Variants in BMPR1B observed in about 807,000 individuals in gnomAD.
The protein encoded by BMPR1B is bone morphogenetic protein receptor type-1B.
In BMPR1B, 12 loss-of-function variants were observed where a neutral mutation model predicts 59.1. The observed-to-expected ratio is 0.20, with a 90% CI of 0.13 to 0.33. The LOEUF (loss-of-function observed/expected upper bound fraction) is 0.33. Ranked by LOEUF, BMPR1B falls within the 10% of genes least tolerant of loss-of-function variation. BMPR1B has a pLI of 1.00. For missense variants in BMPR1B, 550 were observed against 610.9 expected, an observed-to-expected ratio of 0.90 and a Z score of 1.05; for synonymous variants, 237 against 207.3, an observed-to-expected ratio of 1.14 and a Z score of -1.23.
intron 2 of BMPR1B, among the ~76,000 whole-genome samples, chr4:94,945,298 A>G (rs967078723): frequency 7.9e-5 from 12 of 152,296 alleles, no homozygotes; most frequent in Non-Finnish European, 1.3e-4. Context: ...AAAAACAAGA[A>G]CTATTGGTCC....
At chr4:94,823,748 G>GT (rs34501634) in intron 1 of BMPR1B, among the ~76,000 whole-genome samples, 7,408 of 149,300 alleles carry the variant, frequency 0.05, 355 homozygotes, top group African/African-American at 0.12. Flanking sequence ...TATCCTTTTG[G>GT]TTTTTTTTTT....
intron 1 of BMPR1B, among the ~76,000 whole-genome samples, chr4:94,770,814 A>G (rs1419872916): frequency 6.7e-6 from 1 of 150,040 alleles, no homozygotes; most frequent in Non-Finnish European, 1.5e-5. Flanking sequence ...AAAAAAATCC[A>G]GTGGATTATA....
chr4:94,977,972 G>T (rs1023801), intron 2 of BMPR1B, among the ~76,000 whole-genome samples: 145,544 of 152,300 alleles, frequency 0.96, 69,573 homozygotes, highest in Middle Eastern at 0.99. Context: ...GCAATGGTAT[G>T]GCTATTTTTT....
chr4:94,970,492 T>C (rs1401282943), intron 2 of BMPR1B, among the ~76,000 whole-genome samples: 1 of 152,036 alleles, frequency 6.6e-6, no homozygotes, highest in East Asian at 1.9e-4. Flanking sequence ...TTTTGTATTT[T>C]TAGTAGAGAC....
intron 2 of BMPR1B, among the ~76,000 whole-genome samples, chr4:94,931,630 A>C (rs906492861): frequency 2.6e-5 from 4 of 151,944 alleles, no homozygotes; most frequent in Non-Finnish European, 2.9e-5. Flanking sequence ...TTCCTTTTTT[A>C]GGATATCATA....
intron 2 of BMPR1B, among the ~76,000 whole-genome samples, chr4:94,956,344 T>C (rs1261163455): frequency 6.6e-6 from 1 of 152,140 alleles, no homozygotes; most frequent in Non-Finnish European, 1.5e-5. Context: ...CACATGTTTC[T>C]TTTTAAATAA....
intron 5 of BMPR1B, 87 bp from the exon 6 acceptor site, chr4:95,115,598 T>TA (rs1330384781): frequency 8.9e-7 from 1 of 1,122,128 alleles, no homozygotes; most frequent in Non-Finnish European, 1.4e-6. Context: ...ATTAGTTCTC[T>TA]AAATAGTGAC....
chr4:95,062,187 G>C (rs878965766), intron 3 of BMPR1B, among the ~76,000 whole-genome samples: 1 of 151,768 alleles, frequency 6.6e-6, no homozygotes, highest in South Asian at 2.1e-4. Context: ...TATACCACAG[G>C]AGCATTTTAT....
intron 1 of BMPR1B, among the ~76,000 whole-genome samples, chr4:94,765,545 A>G (rs764852966): frequency 3.9e-4 from 60 of 152,214 alleles, no homozygotes; most frequent in Non-Finnish European, 3.4e-4. Flanking sequence ...GCACTTGAGA[A>G]TATATCTGTT....
chr4:94,908,576 G>A (rs1045755699), intron 2 of BMPR1B, among the ~76,000 whole-genome samples: 1 of 150,866 alleles, frequency 6.6e-6, no homozygotes, highest in Admixed American at 6.6e-5. Flanking sequence ...CTTTTTTAAG[G>A]GTCTCTGTAC....
chr4:95,014,636 A>T (rs1723456819), intron 3 of BMPR1B, among the ~76,000 whole-genome samples: 1 of 152,296 alleles, frequency 6.6e-6, no homozygotes, highest in South Asian at 2.1e-4. Flanking sequence ...GAGACCCTTT[A>T]TCTGACTTTA....
At chr4:95,082,500 T>C (rs550058445) in intron 3 of BMPR1B, among the ~76,000 whole-genome samples, 1 of 152,172 alleles carries the variant, frequency 6.6e-6, no homozygotes, top group South Asian at 2.1e-4. Context: ...TTTTGAGGAC[T>C]ACATTAAATA....
At chr4:94,882,434 T>C (rs561831722) in intron 2 of BMPR1B, among the ~76,000 whole-genome samples, 1 of 152,348 alleles carries the variant, frequency 6.6e-6, no homozygotes, top group East Asian at 1.9e-4. Context: ...CATAAATATT[T>C]AGCTGAAAAT....
intron 3 of BMPR1B, among the ~76,000 whole-genome samples, chr4:95,038,977 A>G (rs1224900665): frequency 6.6e-6 from 1 of 152,134 alleles, no homozygotes; most frequent in Non-Finnish European, 1.5e-5. Flanking sequence ...TAAATTTTTC[A>G]CTTTTCAGCT....
At chr4:94,994,543 C>T (rs1004522966) in intron 2 of BMPR1B, among the ~76,000 whole-genome samples, 8 of 152,182 alleles carry the variant, frequency 5.3e-5, no homozygotes, top group Non-Finnish European at 1.2e-4. Context: ...CCTGGAAGGT[C>T]TTTAAGAGTA....
intron 1 of BMPR1B, among the ~76,000 whole-genome samples, chr4:94,821,921 G>T: frequency 6.6e-6 from 1 of 152,176 alleles, no homozygotes; most frequent in East Asian, 1.9e-4. Flanking sequence ...ACCCCTTTCT[G>T]TGTGCTGTGC....
At chr4:95,104,376 A>C (rs1466623383) in intron 3 of BMPR1B, 32 bp from the exon 4 acceptor site, 1 of 1,610,464 alleles carries the variant, frequency 6.2e-7, no homozygotes, top group Non-Finnish European at 8.5e-7. Flanking sequence ...TCTACCCCAC[A>C]GATGCCTAAC....
chr4:94,871,722 T>C (rs1482767920), intron 1 of BMPR1B, among the ~76,000 whole-genome samples: 1 of 152,210 alleles, frequency 6.6e-6, no homozygotes, highest in African/African-American at 2.4e-5. Flanking sequence ...AGAAAAGGTT[T>C]GATTGCTCCA....
chr4:95,097,072 CAT>C (rs1191852002), intron 3 of BMPR1B, among the ~76,000 whole-genome samples: 51 of 143,086 alleles, frequency 3.6e-4, no homozygotes, highest in South Asian at 8.5e-4. Context: ...TATATATTTA[CAT>C]ATAGTTATAT....
Sources: allele counts gnomAD v4.1 joint callset (sites outside exome capture counted in the v4.1 genomes callset), GRCh38; gene constraint gnomAD v4.1.1; transcripts MANE v1.5; gene names NCBI Gene and HGNC (gene_info 2026-07-23, HGNC 2026-07-21).